The following DNAH12 variants were observed in gnomAD, a reference collection of about 807,000 sequenced individuals.
The protein encoded by DNAH12 is dynein axonemal heavy chain 12.
Under a neutral mutation model 371.5 loss-of-function variants are expected in DNAH12, and 285 were observed. The ratio of observed to expected loss-of-function variants is 0.77; its 90% CI spans 0.70 to 0.85. The LOEUF is 0.85. Among genes scored for constraint, DNAH12 ranks in the 40% least tolerant of loss-of-function variants. DNAH12 has a pLI of 0.00. For missense variants in DNAH12, 3,611 were observed against 3,689.4 expected (o/e 0.98, Z 0.55); for synonymous variants, 1,200 against 1,213.0 (o/e 0.99, Z 0.22).
chr3:57,360,308 T>C (rs906920223), intron 58 of DNAH12, among the ~76,000 whole-genome samples: 9 of 149,856 alleles, frequency 6.0e-5, no homozygotes, highest in Non-Finnish European at 1.3e-4. Context: ...AAGCACCAAA[T>C]AGTACAAGTG....
intron 11 of DNAH12, chr3:57,498,548 G>A (rs1240129444): frequency 2.8e-6 from 2 of 717,020 alleles, no homozygotes; most frequent in Non-Finnish European, 2.6e-6. Flanking sequence ...CCTAGAAAGA[G>A]AAATGAAAGC....
Position 57,419,519 on chromosome 3 carries a change from C to A in DNAH12, c.5563-1G>T. On this transcript the variant is annotated splice_acceptor_variant, in intron 36 of 73. Coordinates refer to ENST00000495027, the MANE Select transcript of DNAH12 (RefSeq NM_001366028.2). LOFTEE classifies it high-confidence loss of function. The stretch of plus-strand genomic sequence containing the variant: ...GGACCCAGCGACCTTTGTTTTTCAA[C>A]TACAAGAAAATATAAGTTTTAAAAT... 7.0e-7 allele frequency: 1 copy of A among 1,422,808 alleles called. No homozygotes were observed. The highest frequency in any genetic ancestry group is 1.5e-5 in the African/African-American group (1 of 66,952). The allele number at this position is 1,422,808 out of a possible 1,614,324, so 88.1% of individuals were successfully genotyped here. A position where few individuals can be genotyped will look rare whatever the true frequency, so the allele number is the denominator to read the frequency against.
chr3:57,547,101 A>G (rs1013609440), upstream of DNAH12, among the ~76,000 whole-genome samples: 4 of 152,116 alleles, frequency 2.6e-5, no homozygotes, highest in Admixed American at 6.6e-5. Context: ...TTCCTGACAG[A>G]TAGTCTGCCC....
At chr3:57,492,127 A>G (rs924534946) in intron 11 of DNAH12, among the ~76,000 whole-genome samples, 3 of 152,114 alleles carry the variant, frequency 2.0e-5, no homozygotes, top group African/African-American at 2.4e-5. Context: ...ACATCACTGC[A>G]CTCCAGCCTG....
At chr3:57,373,212 A>G (rs955670168) in intron 55 of DNAH12, among the ~76,000 whole-genome samples, 3,608 of 152,256 alleles carry the variant, frequency 0.024, 66 homozygotes, top group Admixed American at 0.035. Context: ...GCTGTAAGTT[A>G]CTAGACCTAA....
chr3:57,297,765 C>T (rs1341938560), intron 70 of DNAH12, among the ~76,000 whole-genome samples: 4 of 152,164 alleles, frequency 2.6e-5, no homozygotes, highest in African/African-American at 9.7e-5. Flanking sequence ...CTTCTTGCTT[C>T]TTCCCTTTCT....
At position 57,355,487 on chromosome 3, in the gene DNAH12, A is replaced by G. The variant is rs1017778482; in HGVS notation, c.9533+1689T>C. 3.6e-3 allele frequency among the ~76,000 whole-genome samples: 548 copies of G among 152,248 alleles called. 5 individuals are homozygous for G. The highest frequency in any genetic ancestry group is 0.013 in the African/African-American group (524 of 41,562). On this transcript the variant is annotated intron_variant, in intron 59 of 73. Coordinates refer to ENST00000495027, the MANE Select transcript of DNAH12 (RefSeq NM_001366028.2). ...AAGTTGAATATAGCATTTTATGCCT[A>G]AATTTTTTTTTAACTTTAAGTTTTT... is the stretch of plus-strand genomic sequence containing the variant.
At position 57,309,768 on chromosome 3, in the gene DNAH12, G is replaced by A. The variant is rs1373728301; in HGVS notation, c.10983C>T (p.Leu3661=). The part of the protein sequence containing the change: ...ISKDLQQTKT[L]FESLLLTQGG... ...CCTGGGTGAGGAGCAAGGACTCAAA[G>A]AGGGTTTTTGTTTGTTGAAGATCCT... The change falls in exon 68 of 74, where the codon CTC becomes CTT. Residue 3661 remains leucine (L), a synonymous_variant. Coordinates refer to ENST00000495027, the MANE Select transcript of DNAH12 (RefSeq NM_001366028.2). 5.8e-6 allele frequency: 9 copies of A among 1,551,396 alleles called. No individual in the cohort carries two copies. The highest frequency in any genetic ancestry group is 6.1e-6 in the Non-Finnish European group (7 of 1,146,912).
chr3:57,353,426 G>T (rs1383653023), intron 59 of DNAH12, among the ~76,000 whole-genome samples: 1 of 152,006 alleles, frequency 6.6e-6, no homozygotes, highest in Non-Finnish European at 1.5e-5. Flanking sequence ...CTAAGTAGCT[G>T]GGACTACAGG....
intron 2 of DNAH12, among the ~76,000 whole-genome samples, chr3:57,534,508 CT>C (rs35588123): frequency 0.046 from 5,041 of 108,710 alleles, 99 homozygotes; most frequent in Non-Finnish European, 0.064. Context: ...TGTTAGCTAG[CT>C]TTTTTTTTTT....
At chr3:57,428,958 T>C (rs2064869605) in intron 33 of DNAH12, 137 bp from the exon 34 acceptor site, 1 of 820,128 alleles carries the variant, frequency 1.2e-6, no homozygotes, top group Non-Finnish European at 1.8e-6. Flanking sequence ...TCACACAGTC[T>C]AGACGTTCCC....
Position 57,443,572 on chromosome 3 carries a change from A to C in DNAH12, c.4545+1125T>G, listed in dbSNP as rs1321051801. 3.9e-5 allele frequency among the ~76,000 whole-genome samples: 6 copies of C among 152,158 alleles called. No homozygotes were observed. In the South Asian group the frequency reaches 8.3e-4, roughly 21 times the overall value. ...GTTATTTTAAATTTTTAATTGACAAATATTTTTATATATTTAAGGTGCAAC... is the reference window on the plus strand; with the variant it reads ...GTTATTTTAAATTTTTAATTGACAACTATTTTTATATATTTAAGGTGCAAC... On this transcript the variant is annotated intron_variant, in intron 29 of 73. Transcript: ENST00000495027.
Position 57,301,876 on chromosome 3 carries a change from C to T in DNAH12, c.11253G>A (p.Val3751=). 1 of 1,551,628 alleles carries T rather than the reference C, an allele frequency of 6.4e-7. No homozygotes were observed. The highest frequency in any genetic ancestry group is 8.7e-7 in the Non-Finnish European group (1 of 1,146,990). ...DLEKAIKGVV[V]MDSALEALSG... is the part of the protein sequence containing the mutation. ...AGAGTGCCTCCAATGCAGAATCCAT[C>T]ACAACCACACCCTTAATAGCTTTTT... is the stretch of plus-strand genomic sequence containing the variant. Residue 3751 remains valine, a synonymous_variant, in exon 70 of 74, where the codon GTG becomes GTA. Coordinates refer to ENST00000495027, the MANE Select transcript of DNAH12 (RefSeq NM_001366028.2).
rs2066095030 is a variant in DNAH12, at chr3:57,462,808, G to A, written c.2417C>T (p.Ser806Leu). The change falls in exon 18 of 74, where the codon TCA becomes TTA. Residue 806 changes from serine (S) to leucine (L), a missense_variant. Physicochemically the swap from Ser to Leu is moderately radical, Grantham distance 145. Transcript: ENST00000495027. Reference sequence around the variant, plus strand: ...AGTCAAGTCATAGCCTACAATTTCTGATATCTGTTTCCAGTGACGAGCTCT... The same window carrying A: ...AGTCAAGTCATAGCCTACAATTTCTAATATCTGTTTCCAGTGACGAGCTCT... ...GMRARHWKQI[S>L]EIVGYDLTPD... 2.6e-6 allele frequency: 4 copies of A among 1,551,498 alleles called. No homozygotes were observed. The highest frequency in any genetic ancestry group is 2.6e-6 in the Non-Finnish European group (3 of 1,146,926).
chr3:57,451,741 C>T (rs1358541118), intron 25 of DNAH12, among the ~76,000 whole-genome samples: 6 of 152,108 alleles, frequency 3.9e-5, no homozygotes, highest in African/African-American at 7.2e-5. Flanking sequence ...CAGGAGTGTC[C>T]GGTGACCATC....
At chr3:57,407,804 T>C (rs1180156006) in intron 40 of DNAH12, among the ~76,000 whole-genome samples, 1 of 152,182 alleles carries the variant, frequency 6.6e-6, no homozygotes, top group East Asian at 1.9e-4. Context: ...TTTATAATTA[T>C]TTTTTCATTG....
intron 17 of DNAH12, among the ~76,000 whole-genome samples, chr3:57,467,502 T>C: frequency 6.6e-6 from 1 of 152,130 alleles, no homozygotes; most frequent in East Asian, 1.9e-4. Context: ...ATTTTGCAAA[T>C]GCTAAAATTT....
chr3:57,330,764 G>T (rs1438575623), intron 62 of DNAH12, among the ~76,000 whole-genome samples: 1 of 150,502 alleles, frequency 6.6e-6, no homozygotes, highest in Non-Finnish European at 1.5e-5. Context: ...TGAGGAAGAG[G>T]ACCTTTTGCC....
At chr3:57,427,842 A>G (rs1487876695) in intron 34 of DNAH12, among the ~76,000 whole-genome samples, 1 of 152,174 alleles carries the variant, frequency 6.6e-6, no homozygotes, top group East Asian at 1.9e-4. Flanking sequence ...AAGGAAGTAT[A>G]GCCCTCTACA....
Sources: allele counts gnomAD v4.1 joint callset (sites outside exome capture counted in the v4.1 genomes callset), GRCh38; gene constraint gnomAD v4.1.1; transcripts MANE v1.5; gene names NCBI Gene and HGNC (gene_info 2026-07-23, HGNC 2026-07-21).